FMNL1: variants seen among roughly 807,000 people sequenced by gnomAD.
FMNL1 encodes the protein formin-like protein 1.
A neutral mutation model predicts 121.3 loss-of-function variants in FMNL1; 43 were observed. The observed-to-expected ratio is 0.35, with a 90% CI of 0.28 to 0.46. The LOEUF is 0.46. Ranked by LOEUF, FMNL1 falls within the 20% of genes least tolerant of loss-of-function variation. The pLI, the probability that FMNL1 is intolerant of heterozygous loss-of-function variation, is 1.00. For synonymous variants in FMNL1, 613 were observed against 613.5 expected (o/e 1.00, Z 0.01); for missense variants, 1,191 against 1,482.4 (o/e 0.80, Z 3.23).
chr17:45,240,216 CT>C, intron 11 of FMNL1: 1 of 255,384 alleles, frequency 3.9e-6, no homozygotes, highest in South Asian at 1.1e-4. Context: ...TGTGGGGTTT[CT>C]TTTTGGGCTG....
intron 3 of FMNL1, 133 bp downstream of exon 3, chr17:45,232,613 GTGTC>G (rs1026252564): frequency 1.2e-5 from 10 of 810,576 alleles, no homozygotes; most frequent in African/African-American, 8.6e-5. Flanking sequence ...GTGTGTTTGT[GTGTC>G]TGTGTATTTA....
intron 11 of FMNL1, 47 bp from the exon 12 acceptor site, chr17:45,240,429 C>CA: frequency 6.5e-7 from 1 of 1,532,316 alleles, no homozygotes; most frequent in Non-Finnish European, 8.8e-7. Context: ...AGACTCCCCC[C>CA]CACACACACA....
chr17:45,238,448 G>A (rs1009838445), intron 9 of FMNL1, 116 bp from the exon 10 acceptor site: 19 of 1,014,374 alleles, frequency 1.9e-5, no homozygotes, highest in Middle Eastern at 2.8e-4. Context: ...GAAGAGTGAC[G>A]TGGCTCAACT....
At chr17:45,246,633 A>G (rs779945732) in intron 26 of FMNL1, 29 bp downstream of exon 26, 20 of 1,559,276 alleles carry the variant, frequency 1.3e-5, no homozygotes, top group Non-Finnish European at 1.7e-5. Context: ...CTCTGATACC[A>G]CGCTGCCCAC....
At chr17:45,246,786 G>A (rs2043847896) in intron 26 of FMNL1, 81 bp from the exon 27 acceptor site, 3 of 714,682 alleles carry the variant, frequency 4.2e-6, no homozygotes, top group Non-Finnish European at 4.9e-6. Context: ...GTCCTTAGGA[G>A]GCTAAGCTTT....
chr17:45,238,832 A>C (rs2043614507), intron 10 of FMNL1, 123 bp from the exon 11 acceptor site: 3 of 1,094,596 alleles, frequency 2.7e-6, no homozygotes, highest in African/African-American at 1.5e-5. Flanking sequence ...GGGCAGGCCA[A>C]GGCTGGGAGT....
At chr17:45,227,596 C>T (rs886581375) in intron 1 of FMNL1, among the ~76,000 whole-genome samples, 2 of 152,178 alleles carry the variant, frequency 1.3e-5, no homozygotes, top group African/African-American at 4.8e-5. Context: ...TTGGCCAAAG[C>T]CTTGGAGACA....
In FMNL1 at chr17:45,233,355, C is replaced by T; in HGVS notation, c.401+58C>T. Reference sequence around the variant, plus strand: ...CTAGGAAGGCTCTGCTTCCAGGCAGCTCCTGGAGCTTCCCCTTCCTACTCC... The same window carrying T: ...CTAGGAAGGCTCTGCTTCCAGGCAGTTCCTGGAGCTTCCCCTTCCTACTCC... On this transcript the variant is annotated intron_variant, in intron 4 of 26. Transcript: ENST00000331495. The surrounding 1 kb of genome is among the most constrained non-coding windows in gnomAD (Gnocchi z 4.1). 6.7e-7 allele frequency: 1 copy of T among 1,500,226 alleles called. No individual in the cohort carries two copies. The highest frequency in any genetic ancestry group is 9.0e-7 in the Non-Finnish European group (1 of 1,107,074). 92.9% of individuals were successfully genotyped at this position (1,500,226 alleles called of 1,614,324 possible).
intron 3 of FMNL1, 137 bp downstream of exon 3, chr17:45,232,617 CTG>C (rs1846727967): frequency 2.5e-6 from 2 of 794,682 alleles, no homozygotes; most frequent in East Asian, 5.4e-5. Context: ...GTTTGTGTGT[CTG>C]TGTATTTATA....
chr17:45,236,107 T>C (rs1454233693), intron 6 of FMNL1, 29 bp from the exon 7 acceptor site: 3 of 1,586,380 alleles, frequency 1.9e-6, no homozygotes, highest in Admixed American at 1.7e-5. Context: ...TCACTCTGAC[T>C]CCTGCTGCCT....
intron 1 of FMNL1, among the ~76,000 whole-genome samples, chr17:45,227,197 C>G (rs1243515593): frequency 6.6e-6 from 1 of 152,022 alleles, no homozygotes; most frequent in East Asian, 1.9e-4. Flanking sequence ...AAGGGCTAGG[C>G]CATAGGGAGA....
rs186056963 is a variant in FMNL1, at chr17:45,237,390, C to G, written c.800+33C>G. 116 of 1,613,284 alleles carry G rather than the reference C, an allele frequency of 7.2e-5. No individual in the cohort carries two copies. Among genetic ancestry groups the G allele is most frequent in the Middle Eastern group, 3.3e-4 (2 of 6,062 alleles). On this transcript the variant is annotated intron_variant, in intron 8 of 26. Transcript: ENST00000331495. This position sits in a 1 kb window ranked among gnomAD's most constrained non-coding sequence, Gnocchi z 4.4. Reference sequence around the variant, plus strand: ...CCAGGCCCCAAACCTTTCTCCGTATCTAGAGTCTTCTCCTACTTAGCCCCT... The same window carrying G: ...CCAGGCCCCAAACCTTTCTCCGTATGTAGAGTCTTCTCCTACTTAGCCCCT...
rs149409789 is a variant in FMNL1, at chr17:45,236,093, G to A, written c.615-43G>A. ...TGAGTGGTGGGGAAACAGGAAGCTG[G>A]GGCTCACTCTGACTCCTGCTGCCTC... On this transcript the variant is annotated intron_variant, in intron 6 of 26. Transcript: ENST00000331495. 5.4e-4 allele frequency: 816 copies of A among 1,524,482 alleles called. No homozygotes were observed. The African/African-American group carries it at 8.8e-3, about 16-fold the overall frequency. The allele number at this position is 1,524,482 out of a possible 1,614,324, so 94.4% of individuals were successfully genotyped here.
Position 45,233,534 on chromosome 17 carries a change from T to G in FMNL1, c.402-114T>G. 1 of 1,214,316 alleles carries G rather than the reference T, an allele frequency of 8.2e-7. No individual in the cohort carries two copies. Among genetic ancestry groups the G allele is most frequent in the Non-Finnish European group, 1.2e-6 (1 of 849,586 alleles). The allele number at this position is 1,214,316 out of a possible 1,614,324, so 75.2% of individuals were successfully genotyped here. A position where few individuals can be genotyped will look rare whatever the true frequency, so the allele number is the denominator to read the frequency against. On this transcript the variant is annotated intron_variant, in intron 4 of 26. Transcript: ENST00000331495. The surrounding 1 kb of genome is among the most constrained non-coding windows in gnomAD (Gnocchi z 4.1). ...AGTCTCCCAGAATCCTTTGGTATCA[T>G]TGGGTCTTTGGGGGTTGAAAGGGCA...
At chr17:45,225,842 T>C (rs1194258028) in intron 1 of FMNL1, among the ~76,000 whole-genome samples, 1 of 152,142 alleles carries the variant, frequency 6.6e-6, no homozygotes, top group African/African-American at 2.4e-5. Context: ...TTCCCTCACC[T>C]GTAAAAAGAG....
chr17:45,230,392 TC>T (rs1192938662), intron 1 of FMNL1, among the ~76,000 whole-genome samples: 2 of 152,158 alleles, frequency 1.3e-5, no homozygotes, highest in Non-Finnish European at 2.9e-5. Context: ...AATCCTGCTC[TC>T]CCTTCTAGCT....
chr17:45,235,556 A>C (rs1234153495), intron 6 of FMNL1, among the ~76,000 whole-genome samples: 1 of 152,254 alleles, frequency 6.6e-6, no homozygotes, highest in Non-Finnish European at 1.5e-5. Context: ...CCCGGTCGGC[A>C]GTTCTGCAAC....
intron 11 of FMNL1, among the ~76,000 whole-genome samples, chr17:45,239,561 C>T (rs1045330402): frequency 1.3e-5 from 2 of 152,202 alleles, no homozygotes; most frequent in East Asian, 1.9e-4. Flanking sequence ...AGAGAAGCTG[C>T]AGCTCCTTCT....
rs1281397337 is a variant in FMNL1 at position 45,241,782 on chromosome 17, GA to G, written c.1586-64del. 2 of 1,401,446 alleles carry G rather than the reference GA, an allele frequency of 1.4e-6. No homozygotes were observed. The highest frequency in any genetic ancestry group is 3.0e-5 in the African/African-American group (2 of 67,510). 86.8% of individuals were successfully genotyped at this position (1,401,446 alleles called of 1,614,324 possible). On this transcript the variant is annotated intron_variant, in intron 14 of 26. Coordinates refer to ENST00000331495, the MANE Select transcript of FMNL1 (RefSeq NM_005892.4). This position sits in a 1 kb window ranked among gnomAD's most constrained non-coding sequence, Gnocchi z 7.0. ...CGCATGCGTAGAGCGGAGAGGCGGA[GA>G]GGGGCCCACCCAAGTCAAGGAGCTG...
Sources: allele counts gnomAD v4.1 joint callset (sites outside exome capture counted in the v4.1 genomes callset), GRCh38; gene constraint gnomAD v4.1.1; non-coding constraint Gnocchi (gnomAD v3.1); transcripts MANE v1.5; gene names NCBI Gene and HGNC (gene_info 2026-07-23, HGNC 2026-07-21).